KDM5D: variants seen among roughly 807,000 people sequenced by gnomAD.
The protein encoded by KDM5D is lysine demethylase 5D, also known as lysine-specific demethylase 5D.
KDM5D carries 25 observed loss-of-function variants against 31.9 expected under a neutral mutation model. The ratio of observed to expected loss-of-function variants is 0.78; its 90% confidence interval spans 0.57 to 1.09. The LOEUF (loss-of-function observed/expected upper bound fraction) is 1.09. KDM5D is among the 50% of genes least tolerant of loss of function. KDM5D has a pLI of 0.00. For missense variants in KDM5D, 366 were observed against 341.6 expected (o/e 1.07, Z -0.56); for synonymous variants, 146 against 122.3 (o/e 1.19, Z -1.28).
intron 6 of KDM5D, 51 bp from the exon 7 acceptor site, chrY:19,735,801 T>A: frequency 7.5e-6 from 2 of 267,013 alleles, no homozygotes; most frequent in Non-Finnish European, 1.2e-5. Context: ...TATGCAGGTA[T>A]AAATACTTTA....
intron 8 of KDM5D, among the ~76,000 whole-genome samples, chrY:19,733,786 G>A (rs2045488347): frequency 3.1e-5 from 1 of 31,827 alleles, no homozygotes; most frequent in Non-Finnish European, 7.6e-5. Context: ...TGAGGCAGAA[G>A]AATTGCTTGA....
chrY:19,715,331 T>C (rs1292241112), intron 18 of KDM5D, 21 bp downstream of exon 18: 1 of 394,989 alleles, frequency 2.5e-6, no homozygotes, highest in East Asian at 9.2e-5. Flanking sequence ...ACACCCTTCT[T>C]TGCCTTCTCC....
intron 11 of KDM5D, among the ~76,000 whole-genome samples, chrY:19,722,688 G>GA (rs1556075622): frequency 4.1e-4 from 11 of 26,809 alleles, no homozygotes; most frequent in African/African-American, 1.0e-3. Context: ...AATACAATAG[G>GA]AAAAAAAAAA....
chrY:19,726,662 C>T (rs2045436582), intron 11 of KDM5D, among the ~76,000 whole-genome samples: 1 of 32,602 alleles, frequency 3.1e-5, no homozygotes, highest in Admixed American at 2.8e-4. Context: ...ACCTATGTAA[C>T]AAACCTGCAC....
intron 18 of KDM5D, among the ~76,000 whole-genome samples, chrY:19,710,797 T>C: frequency 3.0e-5 from 1 of 32,792 alleles, no homozygotes. Flanking sequence ...TAAATACAAA[T>C]AGGTGGGGCA....
chrY:19,743,795 G>A, intron 2 of KDM5D, among the ~76,000 whole-genome samples: 1 of 33,999 alleles, frequency 2.9e-5, no homozygotes, highest in African/African-American at 1.1e-4. Context: ...TATTGTGTTA[G>A]TTGTTCACGA....
At chrY:19,710,151 G>A in intron 19 of KDM5D, 1 of 363,713 alleles carries the variant, frequency 2.7e-6, no homozygotes, top group Non-Finnish European at 3.8e-6. Context: ...GTCTTATGTA[G>A]GCCCAGTTTA....
Position 19,704,027 on chromosome Y carries a change from A to G in KDM5D, c.*1968T>C, listed in dbSNP as rs890840491. 17 of 34,001 alleles carry G rather than the reference A, an allele frequency of 5.0e-4. No homozygotes were observed. Among genetic ancestry groups the G allele is most frequent in the African/African-American group, 2.0e-3 (17 of 8,690 alleles). The allele number at this position is 34,001 out of a possible 400,897, so 8.5% of individuals were successfully genotyped here. ...CATATAACTAACTTCTAATCACAAG[A>G]TAAATTCTTGCCTATGTGCAAAAAC... On this transcript the variant is annotated 3_prime_UTR_variant, in exon 27 of 27. Coordinates refer to ENST00000317961, the MANE Select transcript of KDM5D (RefSeq NM_004653.5).
chrY:19,738,413 A>G, intron 6 of KDM5D, among the ~76,000 whole-genome samples: 1 of 33,576 alleles, frequency 3.0e-5, no homozygotes, highest in Admixed American at 2.7e-4. Context: ...TAATATTACA[A>G]TATCTCAAAA....
chrY:19,728,176 A>G, intron 11 of KDM5D, among the ~76,000 whole-genome samples: 2 of 33,329 alleles, frequency 6.0e-5, no homozygotes, highest in South Asian at 1.3e-3. Flanking sequence ...TATAGCAGTC[A>G]AATAGAAAAA....
In KDM5D at chrY:19,705,820, G is replaced by C; in HGVS notation, c.*175C>G. On this transcript the variant is annotated 3_prime_UTR_variant, in exon 27 of 27. Coordinates refer to ENST00000317961, the MANE Select transcript of KDM5D (RefSeq NM_004653.5). ...TGGCAAGACACTTCTGAGCATCGGG[G>C]TGTGGACTTTACGAACCAACCTTTT... 1 of 146,280 alleles carries C rather than the reference G, an allele frequency of 6.8e-6. No individual in the cohort carries two copies. Among genetic ancestry groups the C allele is most frequent in the Non-Finnish European group, 1.3e-5 (1 of 78,788 alleles). The allele number at this position is 146,280 out of a possible 400,897, so 36.5% of individuals were successfully genotyped here.
chrY:19,709,396 C>A, intron 20 of KDM5D, 55 bp downstream of exon 20: 1 of 390,356 alleles, frequency 2.6e-6, no homozygotes, highest in Non-Finnish European at 3.6e-6. Context: ...TTAGGGTCAC[C>A]CCAAAACTTT....
chrY:19,728,651 C>G, intron 11 of KDM5D, among the ~76,000 whole-genome samples: 1 of 32,983 alleles, frequency 3.0e-5, no homozygotes, highest in Non-Finnish European at 7.4e-5. Flanking sequence ...AGCCACTGCG[C>G]CTGGGCTTTT....
chrY:19,711,063 G>T, intron 18 of KDM5D, among the ~76,000 whole-genome samples: 1 of 33,486 alleles, frequency 3.0e-5, no homozygotes, highest in Admixed American at 2.7e-4. Flanking sequence ...GACAAGAAAT[G>T]AGAGTTCATT....
intron 22 of KDM5D, 69 bp from the exon 23 acceptor site, chrY:19,708,140 A>T: frequency 2.7e-6 from 1 of 370,285 alleles, no homozygotes; most frequent in South Asian, 3.3e-5. Context: ...TCTCCTTCCT[A>T]CCCAGGTGCC....
In KDM5D at chrY:19,735,612, G is replaced by C. The variant is rs754561987; in HGVS notation, c.787+9C>G. ...CCTCACACTTCCCCAATCTGTTAAAGTTCCTCACCTTTCTTATGCACAGTC... is the reference window on the plus strand; with the variant it reads ...CCTCACACTTCCCCAATCTGTTAAACTTCCTCACCTTTCTTATGCACAGTC... On this transcript the variant is annotated intron_variant, in intron 7 of 26. Transcript: ENST00000317961. 143 of 395,395 alleles carry C rather than the reference G, an allele frequency of 3.6e-4. No individual in the cohort carries two copies. Among genetic ancestry groups the C allele is most frequent in the Non-Finnish European group, 3.6e-6 (1 of 281,650 alleles).
chrY:19,718,736 C>G lies in KDM5D; in HGVS notation c.1717-2021G>C, dbSNP rs992271912. On this transcript the variant is annotated intron_variant, in intron 13 of 26. Coordinates refer to ENST00000317961, the MANE Select transcript of KDM5D (RefSeq NM_004653.5). Reference sequence around the variant, plus strand: ...CAAAAAAACCAGTTCAGAAAATTTACTAACCAAACAACAACTATTGTACAT... The same window carrying G: ...CAAAAAAACCAGTTCAGAAAATTTAGTAACCAAACAACAACTATTGTACAT... Among the ~76,000 whole-genome samples, 5 of 34,047 alleles carry G rather than the reference C, an allele frequency of 1.5e-4. No homozygotes were observed. The East Asian group carries it at 3.9e-3, about 27-fold the overall frequency. The allele number at this position is 34,047 out of a possible 37,273, so 91.3% of individuals were successfully genotyped here.
At chrY:19,727,787 G>A (rs777387195) in intron 11 of KDM5D, among the ~76,000 whole-genome samples, 25 of 32,959 alleles carry the variant, frequency 7.6e-4, no homozygotes, top group African/African-American at 2.9e-3. Context: ...AACTAGGAAA[G>A]TCTGAAAAAT....
intron 18 of KDM5D, among the ~76,000 whole-genome samples, chrY:19,711,089 T>C (rs1022550556): frequency 1.8e-4 from 6 of 33,155 alleles, no homozygotes; most frequent in Non-Finnish European, 3.7e-4. Flanking sequence ...AGAAGCAAAA[T>C]AGTACTACAG....
Sources: gnomAD v4.1 joint callset for allele counts (sites outside exome capture counted in the v4.1 genomes callset) on GRCh38, gnomAD v4.1.1 for gene constraint, MANE v1.5 for transcripts, NCBI Gene and HGNC (gene_info 2026-07-23, HGNC 2026-07-21) for gene names.